SLC39A11: variants seen among roughly 807,000 people sequenced by gnomAD.
SLC39A11 encodes solute carrier family 39 member 11, also known as zinc transporter ZIP11.
SLC39A11 carries 33 observed loss-of-function variants against 36.1 expected under a neutral mutation model. The observed-to-expected ratio is 0.91, with a 90% confidence interval of 0.69 to 1.22. The LOEUF is 1.22. Among genes scored for constraint, SLC39A11 ranks in the 50% most tolerant of loss-of-function variants. The probability of loss-of-function intolerance (pLI) is 0.00; values close to 1 mark genes in which losing one functional copy is unlikely to be tolerated. For missense variants in SLC39A11, 432 were observed against 430.3 expected, an observed-to-expected ratio of 1.00 and a Z score of -0.03; for synonymous variants, 166 against 170.3, an observed-to-expected ratio of 0.97 and a Z score of 0.20.
intron 4 of SLC39A11, among the ~76,000 whole-genome samples, chr17:73,020,443 T>C (rs1315140329): frequency 6.6e-6 from 1 of 152,222 alleles, no homozygotes; most frequent in Non-Finnish European, 1.5e-5. Context: ...TTGATATTTT[T>C]CTGTTCTTTA....
chr17:72,883,499 A>T (rs894310398), intron 5 of SLC39A11, among the ~76,000 whole-genome samples: 5 of 152,200 alleles, frequency 3.3e-5, no homozygotes, highest in Admixed American at 6.5e-5. Flanking sequence ...AAGCTTTTCA[A>T]GGTTTCATGG....
chr17:72,949,564 G>A (rs868357141), intron 4 of SLC39A11, among the ~76,000 whole-genome samples: 2 of 151,916 alleles, frequency 1.3e-5, no homozygotes, highest in African/African-American at 4.8e-5. Flanking sequence ...CTTGGTTCAC[G>A]ACGGCACAGG....
intron 6 of SLC39A11, among the ~76,000 whole-genome samples, chr17:72,799,600 G>A (rs981871821): frequency 2.6e-5 from 4 of 152,044 alleles, no homozygotes; most frequent in Admixed American, 6.6e-5. Context: ...GGCCACTCTG[G>A]GAGTGTCTGT....
intron 5 of SLC39A11, among the ~76,000 whole-genome samples, chr17:72,900,437 C>A (rs2082334447): frequency 6.6e-6 from 1 of 151,120 alleles, no homozygotes; most frequent in South Asian, 2.1e-4. Context: ...TGAGGATCTG[C>A]AAGGAGGCCA....
In SLC39A11 at chr17:73,039,558, C is replaced by CCATT. The variant is rs142981350; in HGVS notation, c.148-7848_148-7845dup. Among the ~76,000 whole-genome samples, 933 of 152,256 alleles carry CCATT rather than the reference C, an allele frequency of 6.1e-3. 12 individuals carry two copies. The highest frequency in any genetic ancestry group is 0.021 in the African/African-American group (892 of 41,542). On this transcript the variant is annotated intron_variant, in intron 3 of 9. Coordinates refer to ENST00000255559, the MANE Select transcript of SLC39A11 (RefSeq NM_139177.4). Reference sequence around the variant, plus strand: ...GCATGATCAGGAAGTGATTCAACACCCATTTTTTGGTCTAATGCCTAATTT... The same window carrying CCATT: ...GCATGATCAGGAAGTGATTCAACACCCATTCATTTTTTGGTCTAATGCCTAATTT...
intron 7 of SLC39A11, among the ~76,000 whole-genome samples, chr17:72,673,293 C>T (rs1044782617): frequency 2.0e-5 from 3 of 151,956 alleles, no homozygotes; most frequent in Admixed American, 2.0e-4. Flanking sequence ...TTAGTAGAGA[C>T]GGGGTTTCAC....
intron 4 of SLC39A11, among the ~76,000 whole-genome samples, chr17:72,973,165 A>G (rs2087582948): frequency 6.6e-6 from 1 of 151,832 alleles, no homozygotes; most frequent in South Asian, 2.1e-4. Flanking sequence ...TCCTTGCATA[A>G]AAGTTGGCTC....
chr17:72,671,483 G>A (rs2071019231), intron 7 of SLC39A11, among the ~76,000 whole-genome samples: 1 of 152,212 alleles, frequency 6.6e-6, no homozygotes, highest in African/African-American at 2.4e-5. Flanking sequence ...CACTTTGGGA[G>A]GCCAAGGCAG....
intron 7 of SLC39A11, among the ~76,000 whole-genome samples, chr17:72,709,237 C>A (rs1022908840): frequency 9.2e-5 from 14 of 152,074 alleles, no homozygotes; most frequent in Non-Finnish European, 1.0e-4. Context: ...CGCGCCCGGC[C>A]AAGCCTTTTT....
At chr17:73,068,241 TA>T in intron 3 of SLC39A11, 9 of 822,418 alleles carry the variant, frequency 1.1e-5, no homozygotes, top group Non-Finnish European at 1.6e-5. Context: ...TCCCCTCCAG[TA>T]GCACTTGAGG....
At chr17:72,701,272 A>G (rs969570435) in intron 7 of SLC39A11, among the ~76,000 whole-genome samples, 1 of 152,216 alleles carries the variant, frequency 6.6e-6, no homozygotes, top group African/African-American at 2.4e-5. Flanking sequence ...CAAGCCTCAG[A>G]AGTGGGGATC....
At chr17:72,882,293 T>C (rs1443132674) in intron 5 of SLC39A11, among the ~76,000 whole-genome samples, 2 of 149,618 alleles carry the variant, frequency 1.3e-5, no homozygotes, top group Non-Finnish European at 3.0e-5. Context: ...GAGGTGGAGG[T>C]TGCAGTGAGC....
chr17:73,043,228 G>A (rs938749773), intron 3 of SLC39A11, among the ~76,000 whole-genome samples: 1 of 152,214 alleles, frequency 6.6e-6, no homozygotes, highest in Admixed American at 6.5e-5. Context: ...GAAGCGCAGA[G>A]TGGGCAGAGT....
At chr17:72,900,107 GAA>G (rs1379134929) in intron 5 of SLC39A11, among the ~76,000 whole-genome samples, 25 of 70,338 alleles carry the variant, frequency 3.6e-4, no homozygotes, top group African/African-American at 1.9e-3. Context: ...AAGAAAGAAA[GAA>G]AAAGAAAGAA....
chr17:72,815,100 T>C (rs2077542004), intron 6 of SLC39A11, among the ~76,000 whole-genome samples: 1 of 152,206 alleles, frequency 6.6e-6, no homozygotes, highest in Non-Finnish European at 1.5e-5. Flanking sequence ...AAGGAAAGAA[T>C]GCTCTACTCA....
chr17:72,941,434 G>A (rs188446736), intron 5 of SLC39A11, among the ~76,000 whole-genome samples: 54 of 152,284 alleles, frequency 3.5e-4, no homozygotes, highest in African/African-American at 1.0e-3. Flanking sequence ...TAAGCCACCC[G>A]GTTTGTGGTA....
chr17:72,771,873 G>C (rs967504193), intron 6 of SLC39A11, among the ~76,000 whole-genome samples: 1 of 152,150 alleles, frequency 6.6e-6, no homozygotes, highest in African/African-American at 2.4e-5. Context: ...TGGTGTTAAA[G>C]ACTTGGGGTG....
At chr17:72,878,941 C>T (rs1168309512) in intron 5 of SLC39A11, among the ~76,000 whole-genome samples, 1 of 152,252 alleles carries the variant, frequency 6.6e-6, no homozygotes, top group Non-Finnish European at 1.5e-5. Context: ...CACACTAGAC[C>T]TTCCTTGGGT....
Position 72,649,873 on chromosome 17 carries a change from G to A in SLC39A11, c.672-605C>T, listed in dbSNP as rs554459266. Among the ~76,000 whole-genome samples, 383 of 151,980 alleles carry A rather than the reference G, an allele frequency of 2.5e-3. 2 individuals are homozygous for A. The highest frequency in any genetic ancestry group is 3.4e-3 in the Middle Eastern group (1 of 294). On this transcript the variant is annotated intron_variant, in intron 7 of 9. Transcript: ENST00000255559. The stretch of plus-strand genomic sequence containing the variant: ...CTCCCAAAGTGCTGGGATTATGGGC[G>A]TGAGCCACGGCACCCAGCCTACACC...
Sources: allele counts gnomAD v4.1 joint callset (sites outside exome capture counted in the v4.1 genomes callset), GRCh38; gene constraint gnomAD v4.1.1; transcripts MANE v1.5; gene names NCBI Gene and HGNC (gene_info 2026-07-23, HGNC 2026-07-21).